Variants in ASPM observed in about 807,000 individuals in gnomAD.
ASPM encodes the protein assembly factor for spindle microtubules, also known as abnormal spindle-like microcephaly-associated protein.
A neutral mutation model predicts 366.4 loss-of-function variants in ASPM; 256 were observed. The ratio of observed to expected loss-of-function variants is 0.70; its 90% CI spans 0.63 to 0.77. The LOEUF (loss-of-function observed/expected upper bound fraction) is 0.77. Ranked by LOEUF, ASPM falls within the 30% of genes least tolerant of loss-of-function variation. The pLI is 0.00. For missense variants in ASPM, 4,146 were observed against 4,090.4 expected (o/e 1.01, Z -0.37); for synonymous variants, 1,414 against 1,342.9 (o/e 1.05, Z -1.16).
rs1658632153 is a variant in ASPM, at chr1:197,142,765, G to A, written c.1487C>T (p.Thr496Ile). 1 of 1,613,766 alleles carries A rather than the reference G, an allele frequency of 6.2e-7. No homozygotes were observed. The highest frequency in any genetic ancestry group is 8.5e-7 in the Non-Finnish European group (1 of 1,179,686). ...QPKRRPILSA[T>I]VTKRKATCTR... ...ACAGGTGGCCTTCCTTTTAGTAACA[G>A]TGGCAGAAAGTATTGGACGTCTCTT... Residue 496 changes from threonine to isoleucine, a missense_variant, in exon 3 of 28, where the codon ACT becomes ATT. Thr to Ile is a moderately conservative substitution (Grantham distance 89). Around this residue, in one of 3 missense-constraint regions of ASPM, gnomAD observed 3,624 missense variants for 3,591.7 expected, o/e 1.01. Coordinates refer to ENST00000367409, the MANE Select transcript of ASPM (RefSeq NM_018136.5).
chr1:197,139,939 G>A (rs1456366510), intron 3 of ASPM, 68 bp from the exon 4 acceptor site: 8 of 1,119,920 alleles, frequency 7.1e-6, no homozygotes, highest in Non-Finnish European at 1.1e-5. Context: ...TCAGTGATTT[G>A]AAAGTTAAAG....
chr1:197,143,344 G>T lies in ASPM; in HGVS notation c.908C>A (p.Ser303Tyr). 2 of 1,613,940 alleles carry T rather than the reference G, an allele frequency of 1.2e-6. No homozygotes were observed. The highest frequency in any genetic ancestry group is 8.5e-7 in the Non-Finnish European group (1 of 1,179,832). The part of the protein sequence containing the change: ...NSKLSLTPNC[S>Y]STLNITQSQI... ...GCTTTGTGTAATGTTCAAAGTTGAA[G>T]AACAGTTGGGGGTAAGACTAAGTTT... Residue 303 changes from serine (S) to tyrosine (Y), a missense_variant, in exon 3 of 28, where the codon TCT becomes TAT. Ser to Tyr is a moderately radical substitution (Grantham distance 144). This residue lies in a region of ASPM where 512 missense variants were observed against 471.7 expected (regional missense o/e 1.09). Coordinates refer to ENST00000367409, the MANE Select transcript of ASPM (RefSeq NM_018136.5).
At position 197,132,308 on chromosome 1, in the gene ASPM, A is replaced by G; in HGVS notation, c.2464T>C (p.Leu822=). 1 of 1,613,110 alleles carries G rather than the reference A, an allele frequency of 6.2e-7. No individual in the cohort carries two copies. The highest frequency in any genetic ancestry group is 1.1e-5 in the South Asian group (1 of 90,978). ...ACCTCTAGACCAATTCGAAGCCACA[A>G]AGGATTGTAGGACAACAGCCAATTC... ...VLNWLLSYNP[L]WLRIGLETTY... is the part of the protein sequence containing the mutation. The change falls in exon 7 of 28, where the codon TTG becomes CTG. Residue 822 remains leucine (L), a synonymous_variant. Coordinates refer to ENST00000367409, the MANE Select transcript of ASPM (RefSeq NM_018136.5).
intron 8 of ASPM, 60 bp downstream of exon 8, chr1:197,129,855 A>G (rs1658208357): frequency 1.3e-6 from 2 of 1,569,574 alleles, no homozygotes; most frequent in East Asian, 4.5e-5. Flanking sequence ...AACAGGAAGA[A>G]TGACAATAAG....
intron 26 of ASPM, among the ~76,000 whole-genome samples, chr1:197,087,217 G>A (rs1044484164): frequency 1.3e-5 from 2 of 151,946 alleles, no homozygotes; most frequent in African/African-American, 4.8e-5. Flanking sequence ...TGGGATTACA[G>A]GCACCCGCCA....
intron 17 of ASPM, among the ~76,000 whole-genome samples, chr1:197,109,284 A>AT (rs1367308917): frequency 6.6e-6 from 1 of 152,130 alleles, no homozygotes; most frequent in Non-Finnish European, 1.5e-5. Context: ...AAACTCTTCA[A>AT]TAAAATACTA....
intron 6 of ASPM, among the ~76,000 whole-genome samples, 170 bp downstream of exon 6, chr1:197,133,176 CTTGA>C (rs1290134856): frequency 4.6e-5 from 7 of 152,096 alleles, no homozygotes; most frequent in Admixed American, 1.3e-4. Context: ...CATTAATTAG[CTTGA>C]TTGTTATAAT....
chr1:197,107,166 T>C (rs1657438721), intron 17 of ASPM, among the ~76,000 whole-genome samples: 1 of 152,058 alleles, frequency 6.6e-6, no homozygotes, highest in South Asian at 2.1e-4. Flanking sequence ...GGAAGCAATC[T>C]GATAATGTTG....
chr1:197,104,282 T>C lies in ASPM; in HGVS notation c.4969A>G (p.Thr1657Ala), dbSNP rs1657325282. 1.9e-6 allele frequency: 3 copies of C among 1,613,070 alleles called. No individual in the cohort carries two copies. Among genetic ancestry groups the C allele is most frequent in the Non-Finnish European group, 2.5e-6 (3 of 1,179,426 alleles). ...QARKMYIHIL[T>A]SVIKIQSYYR... Reference sequence around the variant, plus strand: ...TATGATTGAATCTTTATAACAGATGTGAGGATGTGAATATACATTTTCCTG... The same window carrying C: ...TATGATTGAATCTTTATAACAGATGCGAGGATGTGAATATACATTTTCCTG... The change falls in exon 18 of 28, where the codon ACA becomes GCA. Residue 1657 changes from threonine to alanine, a missense_variant. Physicochemically the swap from Thr to Ala is moderately conservative, Grantham distance 58. Transcript: ENST00000367409.
In ASPM at chr1:197,103,855, A is replaced by T; in HGVS notation, c.5396T>A (p.Leu1799Ter). The T allele has an allele frequency of 6.2e-7, 1 of 1,612,886 alleles. No homozygotes were observed. Among genetic ancestry groups the T allele is most frequent in the Non-Finnish European group, 8.5e-7 (1 of 1,179,302 alleles). Residue 1799 changes from leucine (L) to a stop codon, truncating the protein, a stop_gained, in exon 18 of 28, where the codon TTG becomes TAG. Transcript: ENST00000367409. LOFTEE classifies it high-confidence loss of function. ...GCAAGTAGCTGCTTTTTTGACTTGCAAGAAGTTCTTCCTCTGATTGACCTG... is the reference window on the plus strand; with the variant it reads ...GCAAGTAGCTGCTTTTTTGACTTGCTAGAAGTTCTTCCTCTGATTGACCTG... ...KAQVNQRKNF[L>*]QVKKAATCLQ...
Position 197,139,834 on chromosome 1 carries a change from G to C in ASPM, c.1959C>G (p.Asn653Lys). ...CAGCGATAATGGGTTTTGTCCTTTT[G>C]TTTGTTTTAGAAATTGGAGTTCTGA... ...SIFRTPISKTNKRTKPIIAVA... is the reference protein window; with the variant it reads ...SIFRTPISKTKKRTKPIIAVA... Residue 653 changes from asparagine (N) to lysine (K), a missense_variant, in exon 4 of 28, where the codon AAC becomes AAG. By Grantham distance (94) the Asn-to-Lys change is moderately conservative. Transcript: ENST00000367409. 1 of 1,611,478 alleles carries C rather than the reference G, an allele frequency of 6.2e-7. No homozygotes were observed. The highest frequency in any genetic ancestry group is 8.5e-7 in the Non-Finnish European group (1 of 1,177,736).
At chr1:197,124,779 G>C in intron 12 of ASPM, 91 bp downstream of exon 12, 1 of 1,030,252 alleles carries the variant, frequency 9.7e-7, no homozygotes, top group South Asian at 1.3e-5. Context: ...AATGATGGTT[G>C]TTGTTGTTAT....
Position 197,117,737 on chromosome 1 carries a change from A to T in ASPM, c.4065+52T>A, listed in dbSNP as rs1557953567. ...TTCATCACATTTTGCCTTCTTACTT[A>T]AAAAAGTCATTAAAATTTTTTAAAT... On this transcript the variant is annotated intron_variant, in intron 17 of 27. Transcript: ENST00000367409. 2.0e-6 allele frequency: 3 copies of T among 1,501,824 alleles called. No individual in the cohort carries two copies. In the East Asian group the frequency reaches 6.8e-5, roughly 34 times the overall value. 93.0% of individuals were successfully genotyped at this position (1,501,824 alleles called of 1,614,324 possible).
rs1328600183 is a variant in ASPM, at chr1:197,102,102, T to C, written c.7149A>G (p.Arg2383=). The C allele has an allele frequency of 1.2e-6, 2 of 1,613,018 alleles. No individual in the cohort carries two copies. Among genetic ancestry groups the C allele is most frequent in the Admixed American group, 3.3e-5 (2 of 59,880 alleles). Residue 2383 remains arginine (R), a synonymous_variant, in exon 18 of 28, where the codon AGA becomes AGG. Transcript: ENST00000367409. ...GAAGGATCACAGCAGAGTGTCTTTG[T>C]CTGAGATAATGCTGCCTCTGCAGTT... is the stretch of plus-strand genomic sequence containing the variant. The part of the protein sequence containing the change: ...AAKLQRQHYL[R]QRHSAVILQA...
chr1:197,102,308 C>T lies in ASPM; in HGVS notation c.6943G>A (p.Val2315Ile). The T allele has an allele frequency of 1.9e-6, 3 of 1,612,774 alleles. No individual in the cohort carries two copies. Among genetic ancestry groups the T allele is most frequent in the Middle Eastern group, 3.3e-4 (2 of 6,054 alleles). ...HLQFLQVQNA[V>I]IKIQSSYRRW... The stretch of plus-strand genomic sequence containing the variant: ...CTGTATGATGACTGGATTTTAATAA[C>T]TGCATTTTGTACCTGAAGGAACTGT... Residue 2315 changes from valine (V) to isoleucine (I), a missense_variant, in exon 18 of 28, where the codon GTT becomes ATT. By Grantham distance (29) the Val-to-Ile change is conservative. Coordinates refer to ENST00000367409, the MANE Select transcript of ASPM (RefSeq NM_018136.5).
chr1:197,096,033 A>C lies in ASPM; in HGVS notation c.8952T>G (p.Ile2984Met). The C allele has an allele frequency of 6.2e-7, 1 of 1,609,594 alleles. No homozygotes were observed. Among genetic ancestry groups the C allele is most frequent in the East Asian group, 2.2e-5 (1 of 44,738 alleles). ...YLAILKAVKI[I>M]QGCFYTKLER... is the part of the protein sequence containing the mutation. ...CTAGTTTGGTATAGAAGCAACCTTGAATAATTTTAACAGCTTTTAATATAG... is the reference window on the plus strand; with the variant it reads ...CTAGTTTGGTATAGAAGCAACCTTGCATAATTTTAACAGCTTTTAATATAG... The change falls in exon 19 of 28, where the codon ATT becomes ATG. Residue 2984 changes from isoleucine (I) to methionine (M), a missense_variant. By Grantham distance (10) the Ile-to-Met change is conservative (BLOSUM62 1). Transcript: ENST00000367409.
In ASPM at chr1:197,100,967, AT is replaced by A; in HGVS notation, c.8283del (p.Ser2762GlnfsTer32). The A allele has an allele frequency of 6.2e-7, 1 of 1,612,606 alleles. No individual in the cohort carries two copies. Among genetic ancestry groups the A allele is most frequent in the Non-Finnish European group, 8.5e-7 (1 of 1,179,158 alleles). On this transcript the variant is annotated frameshift_variant, in exon 18 of 28. Transcript: ENST00000367409. LOFTEE classifies it high-confidence loss of function. The stretch of plus-strand genomic sequence containing the variant: ...ACAATGGCTGCCATCTTTTCCTCTG[AT>A]ACATTTTTCAATTTTTGTCTAACTT... The part of the protein sequence containing the change: ...GMKVRQKLKN[V>X]SEEKMAAIVN...
chr1:197,091,852 A>G, intron 22 of ASPM, 55 bp downstream of exon 22: 1 of 1,572,546 alleles, frequency 6.4e-7, no homozygotes, highest in Non-Finnish European at 8.7e-7. Context: ...TACATATCAA[A>G]AATTTCTAAC....
chr1:197,102,863 G>C lies in ASPM; in HGVS notation c.6388C>G (p.His2130Asp), dbSNP rs554124451. 6.2e-7 allele frequency: 1 copy of C among 1,612,372 alleles called. No homozygotes were observed. The highest frequency in any genetic ancestry group is 1.3e-5 in the African/African-American group (1 of 74,798). The change falls in exon 18 of 28, where the codon CAT (histidine) becomes GAT (aspartate). Residue 2130 changes from histidine (H) to aspartate (D), a missense_variant. Physicochemically the swap from His to Asp is moderately conservative, Grantham distance 81. This residue lies in a region of ASPM where 3,624 missense variants were observed against 3,591.7 expected (regional missense o/e 1.01). Coordinates refer to ENST00000367409, the MANE Select transcript of ASPM (RefSeq NM_018136.5). ...GTATGGTAACTTATTCTTGACTGAT[G>C]CATTTTAAACATGGCTTTAATAAAA... Reference protein sequence around the residue: ...ATFIKAMFKMHQSRISYHTMR... With the variant: ...ATFIKAMFKMDQSRISYHTMR...
Sources: gnomAD v4.1 joint callset for allele counts (sites outside exome capture counted in the v4.1 genomes callset) on GRCh38, gnomAD v4.1.1 for gene constraint, gnomAD v4.1.1 regional missense constraint, MANE v1.5 for transcripts, NCBI Gene and HGNC (gene_info 2026-07-23, HGNC 2026-07-21) for gene names.